The following CDH8 variants were observed in gnomAD, a reference collection of about 807,000 sequenced individuals.
CDH8 encodes the protein cadherin-8.
CDH8 carries 17 observed loss-of-function variants against 68.1 expected under a neutral mutation model. The ratio of observed to expected loss-of-function variants is 0.25; its 90% CI spans 0.17 to 0.37. The LOEUF is 0.37. Ranked by LOEUF, CDH8 falls within the 10% of genes least tolerant of loss-of-function variation. CDH8 has a pLI of 1.00. For missense variants in CDH8, 763 were observed against 999.3 expected, an observed-to-expected ratio of 0.76 and a Z score of 3.19; for synonymous variants, 372 against 365.1, an observed-to-expected ratio of 1.02 and a Z score of -0.21.
intron 2 of CDH8, among the ~76,000 whole-genome samples, chr16:62,018,412 T>C (rs1162530603): frequency 6.6e-6 from 1 of 152,162 alleles, no homozygotes; most frequent in African/African-American, 2.4e-5. Flanking sequence ...GTAATGCTTC[T>C]CAGCCGGTTC....
chr16:61,829,956 TG>T (rs1180977835), intron 4 of CDH8, among the ~76,000 whole-genome samples: 1 of 151,638 alleles, frequency 6.6e-6, no homozygotes, highest in African/African-American at 2.4e-5. Context: ...TTTCTTTTTG[TG>T]TTGGGCTTAT....
At chr16:61,984,130 G>A (rs527773155) in intron 2 of CDH8, among the ~76,000 whole-genome samples, 1 of 152,036 alleles carries the variant, frequency 6.6e-6, no homozygotes, top group Non-Finnish European at 1.5e-5. Context: ...TATTGGCCGG[G>A]CTTGTCTCGA....
intron 10 of CDH8, among the ~76,000 whole-genome samples, chr16:61,701,871 T>C (rs4271585): frequency 0.21 from 31,266 of 152,176 alleles, 3,796 homozygotes; most frequent in African/African-American, 0.32. Flanking sequence ...GATATTTCAA[T>C]GTTTTAACTA....
chr16:61,948,415 T>G (rs1237223002), intron 2 of CDH8, among the ~76,000 whole-genome samples: 1 of 152,318 alleles, frequency 6.6e-6, no homozygotes, highest in African/African-American at 2.4e-5. Flanking sequence ...TCACCAAATA[T>G]CTTTCAATAT....
chr16:61,807,139 G>A (rs1202538557), intron 7 of CDH8, among the ~76,000 whole-genome samples: 1 of 150,256 alleles, frequency 6.7e-6, no homozygotes, highest in East Asian at 2.0e-4. Flanking sequence ...ATACTATGCA[G>A]CCATAAAAAA....
intron 4 of CDH8, among the ~76,000 whole-genome samples, chr16:61,849,984 CAGTGTT>C (rs1353610974): frequency 6.6e-6 from 1 of 152,056 alleles, no homozygotes; most frequent in Non-Finnish European, 1.5e-5. Context: ...GACTAGAAGA[CAGTGTT>C]AGTGCTCTTA....
intron 2 of CDH8, among the ~76,000 whole-genome samples, chr16:62,005,832 A>G (rs1965965568): frequency 6.6e-6 from 1 of 152,062 alleles, no homozygotes; most frequent in Non-Finnish European, 1.5e-5. Flanking sequence ...GGGAAGTAGC[A>G]TAGTCCTTGG....
Position 61,647,995 on chromosome 16 carries a change from G to C in CDH8, c.*5613C>G. On this transcript the variant is annotated 3_prime_UTR_variant, in exon 12 of 12. Coordinates refer to ENST00000577390, the MANE Select transcript of CDH8 (RefSeq NM_001796.5). ...AGATGGTGGCAGGTAACTCAAGTTG[G>C]GGAAATAGTACCCAAAGGCACTATT... 1 of 613,618 alleles carries C rather than the reference G, an allele frequency of 1.6e-6. No individual in the cohort carries two copies. The highest frequency in any genetic ancestry group is 2.9e-6 in the Non-Finnish European group (1 of 342,078). 38.0% of individuals were successfully genotyped at this position (613,618 alleles called of 1,614,324 possible).
At chr16:61,775,940 C>T (rs1464455994) in intron 8 of CDH8, among the ~76,000 whole-genome samples, 2 of 152,066 alleles carry the variant, frequency 1.3e-5, no homozygotes, top group Non-Finnish European at 2.9e-5. Context: ...TGAATTAATA[C>T]ATATTAACAT....
At chr16:61,832,371 GAT>G (rs997382612) in intron 4 of CDH8, among the ~76,000 whole-genome samples, 19 of 149,500 alleles carry the variant, frequency 1.3e-4, no homozygotes, top group Admixed American at 2.0e-4. Flanking sequence ...TAGATAGATA[GAT>G]AGATAGATAC....
chr16:61,993,953 T>G (rs1965770716), intron 2 of CDH8, among the ~76,000 whole-genome samples: 2 of 152,214 alleles, frequency 1.3e-5, no homozygotes, highest in African/African-American at 4.8e-5. Flanking sequence ...GCAATCTTAA[T>G]AGAAATGTAA....
chr16:61,729,120 G>A (rs959128259), intron 8 of CDH8, among the ~76,000 whole-genome samples: 2 of 150,948 alleles, frequency 1.3e-5, no homozygotes, highest in African/African-American at 2.4e-5. Context: ...TAGCTAATGG[G>A]ATCCCCATAT....
At chr16:61,777,886 G>A (rs1960941071) in intron 8 of CDH8, among the ~76,000 whole-genome samples, 1 of 152,066 alleles carries the variant, frequency 6.6e-6, no homozygotes, top group African/African-American at 2.4e-5. Context: ...TCCCTCCCCA[G>A]GAATCTGTAG....
intron 2 of CDH8, among the ~76,000 whole-genome samples, chr16:62,016,583 G>A (rs1901945922): frequency 2.0e-5 from 3 of 152,198 alleles, no homozygotes; most frequent in African/African-American, 4.8e-5. Context: ...ATTGGGCTAA[G>A]TGTCCCATGA....
At chr16:61,954,468 G>A (rs9939779) in intron 2 of CDH8, among the ~76,000 whole-genome samples, 46,695 of 151,848 alleles carry the variant, frequency 0.31, 7,446 homozygotes, top group Middle Eastern at 0.37. Flanking sequence ...TTGGGAGGCC[G>A]AGGCGGGTGG....
At chr16:61,788,855 A>G (rs1961307343) in intron 8 of CDH8, among the ~76,000 whole-genome samples, 1 of 152,024 alleles carries the variant, frequency 6.6e-6, no homozygotes, top group African/African-American at 2.4e-5. Flanking sequence ...TAGACTCTAA[A>G]AAAAACAAAA....
At chr16:61,992,788 T>C (rs181646575) in intron 2 of CDH8, among the ~76,000 whole-genome samples, 1 of 152,288 alleles carries the variant, frequency 6.6e-6, no homozygotes. Flanking sequence ...TTTTTTCTTC[T>C]TTTTTGCTTT....
intron 2 of CDH8, among the ~76,000 whole-genome samples, chr16:62,017,582 G>T (rs1008341152): frequency 3.9e-5 from 6 of 152,102 alleles, no homozygotes; most frequent in African/African-American, 1.4e-4. Flanking sequence ...ATTAAGAAGG[G>T]ACTATTCACT....
At chr16:61,788,400 T>C (rs1474163231) in intron 8 of CDH8, among the ~76,000 whole-genome samples, 1 of 152,104 alleles carries the variant, frequency 6.6e-6, no homozygotes. Flanking sequence ...ACATTGATTT[T>C]TATTTCTTAT....
Sources: allele counts gnomAD v4.1 joint callset (sites outside exome capture counted in the v4.1 genomes callset), GRCh38; gene constraint gnomAD v4.1.1; transcripts MANE v1.5; gene names NCBI Gene and HGNC (gene_info 2026-07-23, HGNC 2026-07-21).